The following EFHD1 variants were observed in gnomAD, a reference collection of about 807,000 sequenced individuals.
EFHD1 encodes the protein EF-hand domain family member D1, also known as EF-hand domain-containing protein D1.
Under a neutral mutation model 17.2 loss-of-function variants are expected in EFHD1, and 10 were observed. That is an observed-to-expected ratio of 0.58 (90% CI 0.36 to 0.99). The LOEUF is 0.99. Ranked by LOEUF, EFHD1 falls within the 50% of genes least tolerant of loss-of-function variation. The pLI is 0.01. For synonymous variants in EFHD1, 153 were observed against 142.0 expected, an observed-to-expected ratio of 1.08 and a Z score of -0.55; for missense variants, 310 against 327.5, an observed-to-expected ratio of 0.95 and a Z score of 0.41.
intron 3 of EFHD1, among the ~76,000 whole-genome samples, chr2:232,678,782 TCAAACAAA>T (rs570381352): frequency 6.6e-6 from 1 of 152,066 alleles, no homozygotes; most frequent in East Asian, 1.9e-4. Context: ...AAACTCTGCT[TCAAACAAA>T]CAAACAAACA....
chr2:232,631,691 T>TAA (rs34689384), upstream of EFHD1, among the ~76,000 whole-genome samples: 35,303 of 115,496 alleles, frequency 0.31, 6,209 homozygotes, highest in Middle Eastern at 0.42. Context: ...ATAAGAACAT[T>TAA]AAAAAAAAAA....
chr2:232,660,564 G>A (rs1396567492), intron 1 of EFHD1, among the ~76,000 whole-genome samples: 1 of 151,946 alleles, frequency 6.6e-6, no homozygotes, highest in Non-Finnish European at 1.5e-5. Context: ...CAAACTCCTG[G>A]GCTCAAGTGA....
chr2:232,623,694 AGAAGAAG>A (rs375466788), intron 1 of EFHD1, among the ~76,000 whole-genome samples: 3,012 of 84,358 alleles, frequency 0.036, 162 homozygotes, highest in East Asian at 0.27. Flanking sequence ...AAAAAAAAAA[AGAAGAAG>A]AAGAAGAAGA....
intron 3 of EFHD1, among the ~76,000 whole-genome samples, chr2:232,681,217 G>C (rs539430608): frequency 6.6e-6 from 1 of 152,058 alleles, no homozygotes; most frequent in South Asian, 2.1e-4. Context: ...GATTCATTTT[G>C]GTTTGCCTTT....
intron 2 of EFHD1, among the ~76,000 whole-genome samples, chr2:232,669,142 C>A (rs1236123529): frequency 6.6e-6 from 1 of 152,218 alleles, no homozygotes; most frequent in East Asian, 1.9e-4. Flanking sequence ...CTGCTTCGAT[C>A]TTTTCCACCC....
intron 1 of EFHD1, among the ~76,000 whole-genome samples, chr2:232,622,038 A>G (rs931794462): frequency 1.3e-5 from 2 of 152,244 alleles, no homozygotes; most frequent in Non-Finnish European, 2.9e-5. Flanking sequence ...AACTTCCTTA[A>G]GAAATGCTCC....
intron 1 of EFHD1, among the ~76,000 whole-genome samples, chr2:232,658,237 G>A (rs1414847411): frequency 1.3e-5 from 2 of 152,078 alleles, no homozygotes; most frequent in Non-Finnish European, 2.9e-5. Context: ...TATTTTATCT[G>A]TGGACATCAC....
chr2:232,637,895 CCT>C (rs1694347128), intron 1 of EFHD1, among the ~76,000 whole-genome samples: 2 of 152,162 alleles, frequency 1.3e-5, no homozygotes, highest in African/African-American at 4.8e-5. Context: ...TCCTTCCCAG[CCT>C]CTGAGTTTGT....
chr2:232,672,059 A>G (rs1330871393), intron 2 of EFHD1, among the ~76,000 whole-genome samples: 1 of 152,094 alleles, frequency 6.6e-6, no homozygotes, highest in Non-Finnish European at 1.5e-5. Context: ...CTGCCTCAAA[A>G]AAAAAAAAAA....
At chr2:232,670,410 C>T (rs1280894584) in intron 2 of EFHD1, among the ~76,000 whole-genome samples, 2 of 151,828 alleles carry the variant, frequency 1.3e-5, no homozygotes, top group East Asian at 1.9e-4. Context: ...CATTGCACTC[C>T]AGCCTGAGCA....
rs1261599217 is a variant in EFHD1 at position 232,658,190 on chromosome 2, A to G, written c.303-4612A>G. ...AGTGCTGGGATTATAGGCATGAGCC[A>G]CTGCACCCAGCCAGGACCTTGCATT... is the stretch of plus-strand genomic sequence containing the variant. On this transcript the variant is annotated intron_variant, in intron 1 of 3. Transcript: ENST00000264059. 2.0e-5 allele frequency among the ~76,000 whole-genome samples: 3 copies of G among 151,992 alleles called. No homozygotes were observed. The East Asian group carries it at 5.9e-4, about 30-fold the overall frequency.
At chr2:232,627,014 G>GTCTCTCTCTCTCTCTCTC (rs34012045) in intron 1 of EFHD1, among the ~76,000 whole-genome samples, 1 of 69,784 alleles carries the variant, frequency 1.4e-5, no homozygotes, top group African/African-American at 5.2e-5. Context: ...GTGAGATCCT[G>GTCTCTCTCTCTCTCTCTC]TCTCTCTCTC....
chr2:232,661,599 C>T (rs1297177187), intron 1 of EFHD1: 1 of 142,862 alleles, frequency 7.0e-6, no homozygotes, highest in African/African-American at 2.6e-5. Flanking sequence ...GACAGTCTCG[C>T]TCTGTCACCC....
intron 1 of EFHD1, among the ~76,000 whole-genome samples, chr2:232,634,412 G>A (rs1178259732): frequency 2.0e-5 from 3 of 152,250 alleles, no homozygotes; most frequent in Admixed American, 6.5e-5. Context: ...ATTAGCCCCT[G>A]TTGGCCTTTT....
chr2:232,658,607 C>T (rs924755596), intron 1 of EFHD1, among the ~76,000 whole-genome samples: 7 of 152,144 alleles, frequency 4.6e-5, no homozygotes, highest in Non-Finnish European at 8.8e-5. Flanking sequence ...AAGGTGGAAA[C>T]AACAAAATGT....
At chr2:232,669,842 AC>A (rs1228530451) in intron 2 of EFHD1, among the ~76,000 whole-genome samples, 2 of 151,838 alleles carry the variant, frequency 1.3e-5, no homozygotes, top group Non-Finnish European at 2.9e-5. Flanking sequence ...CTCGTGATCC[AC>A]CTGCCTTGGC....
At chr2:232,651,871 T>C (rs1694661387) in intron 1 of EFHD1, among the ~76,000 whole-genome samples, 1 of 152,172 alleles carries the variant, frequency 6.6e-6, no homozygotes, top group Admixed American at 6.5e-5. Flanking sequence ...CTTTGTGAAC[T>C]ATTTTGGAGG....
chr2:232,619,465 C>A (rs1219654527), intron 1 of EFHD1, among the ~76,000 whole-genome samples: 1 of 151,756 alleles, frequency 6.6e-6, no homozygotes, highest in Non-Finnish European at 1.5e-5. Flanking sequence ...CGCCTGACAC[C>A]ATGCCCGGCT....
At chr2:232,658,630 G>A (rs1694805046) in intron 1 of EFHD1, among the ~76,000 whole-genome samples, 1 of 152,172 alleles carries the variant, frequency 6.6e-6, no homozygotes, top group Admixed American at 6.5e-5. Context: ...ATCACCTGAT[G>A]AGTGAAGAAA....
Sources: gnomAD v4.1 joint callset for allele counts (sites outside exome capture counted in the v4.1 genomes callset) on GRCh38, gnomAD v4.1.1 for gene constraint, MANE v1.5 for transcripts, NCBI Gene and HGNC (gene_info 2026-07-23, HGNC 2026-07-21) for gene names.